MCC: variants seen among roughly 807,000 people sequenced by gnomAD.
MCC encodes colorectal mutant cancer protein.
MCC carries 90 observed loss-of-function variants against 116.2 expected under a neutral mutation model. That is an observed-to-expected ratio of 0.77 (90% CI 0.65 to 0.92). The LOEUF is 0.92. Ranked by LOEUF, MCC falls within the 40% of genes least tolerant of loss-of-function variation. The probability of loss-of-function intolerance (pLI) is 0.00; values close to 1 mark genes in which losing one functional copy is unlikely to be tolerated. For missense variants in MCC, 1,516 were observed against 1,312.2 expected, an observed-to-expected ratio of 1.16 and a Z score of -2.40; for synonymous variants, 578 against 510.5, an observed-to-expected ratio of 1.13 and a Z score of -1.78.
At chr5:113,140,432 C>A (rs1759109838) in intron 5 of MCC, among the ~76,000 whole-genome samples, 1 of 152,182 alleles carries the variant, frequency 6.6e-6, no homozygotes, top group African/African-American at 2.4e-5. Flanking sequence ...CCTTTTCCTA[C>A]CAATGCTTAA....
chr5:113,275,185 A>G (rs1160416612), intron 3 of MCC, among the ~76,000 whole-genome samples: 2 of 152,326 alleles, frequency 1.3e-5, no homozygotes, highest in Admixed American at 6.5e-5. Context: ...TGAAGCTACA[A>G]GCAGCCCCTC....
chr5:113,340,687 A>C lies in MCC; in HGVS notation c.459T>G (p.Gly153=), dbSNP rs1314055518. 6.2e-7 allele frequency: 1 copy of C among 1,613,942 alleles called. No homozygotes were observed. Among genetic ancestry groups the C allele is most frequent in the Non-Finnish European group, 8.5e-7 (1 of 1,180,012 alleles). Residue 153 remains glycine (G), a synonymous_variant, in exon 3 of 19, where the codon GGT becomes GGG. Transcript: ENST00000408903. The stretch of plus-strand genomic sequence containing the variant: ...CATCCGGGCTCTGGAGGTCCCTGGC[A>C]CCAGAGTCGTATTCCCAGCTCTCCC... The part of the protein sequence containing the change: ...AARESWEYDS[G]ARDLQSPDVQ...
intron 2 of MCC, among the ~76,000 whole-genome samples, chr5:113,369,740 T>C (rs1480192826): frequency 6.6e-6 from 1 of 152,218 alleles, no homozygotes; most frequent in Non-Finnish European, 1.5e-5. Context: ...CGCTGATCTA[T>C]GTCATACTAA....
chr5:113,463,570 T>A (rs936208893), intron 1 of MCC, among the ~76,000 whole-genome samples: 2 of 152,326 alleles, frequency 1.3e-5, no homozygotes, highest in East Asian at 3.9e-4. Flanking sequence ...GTGTACATGG[T>A]CACATTCACT....
At chr5:113,449,947 T>A (rs867750828) in intron 1 of MCC, among the ~76,000 whole-genome samples, 1 of 152,252 alleles carries the variant, frequency 6.6e-6, no homozygotes, top group Non-Finnish European at 1.5e-5. Flanking sequence ...TTTTCCATTT[T>A]AAAATGTTTA....
intron 3 of MCC, among the ~76,000 whole-genome samples, chr5:113,285,213 G>A (rs1428932784): frequency 6.6e-6 from 1 of 152,124 alleles, no homozygotes; most frequent in Non-Finnish European, 1.5e-5. Flanking sequence ...GGAAGCCAAA[G>A]GAGAGGCATC....
intron 1 of MCC, among the ~76,000 whole-genome samples, chr5:113,386,053 C>A (rs1383594066): frequency 6.6e-6 from 1 of 152,080 alleles, no homozygotes; most frequent in Non-Finnish European, 1.5e-5. Flanking sequence ...CGGTTTGATC[C>A]CTGACATACA....
At chr5:113,128,741 G>A (rs969736003) in intron 5 of MCC, among the ~76,000 whole-genome samples, 1 of 152,206 alleles carries the variant, frequency 6.6e-6, no homozygotes. Context: ...AAAACAGGGA[G>A]AGAGAAACAC....
At chr5:113,224,542 C>T (rs1157246148) in intron 3 of MCC, among the ~76,000 whole-genome samples, 3 of 152,222 alleles carry the variant, frequency 2.0e-5, no homozygotes. Flanking sequence ...GGCATAACCA[C>T]TGAATCTTTT....
rs182448982 is a variant in MCC, at chr5:113,098,047, G to T, written c.1398+3692C>A. ...TGCAGAAGAATTCTGTAAATCTGAA[G>T]AATTTCTAGAAAATCTCAGAAGGAA... On this transcript the variant is annotated intron_variant, in intron 8 of 18. Transcript: ENST00000408903. Among the ~76,000 whole-genome samples the T allele has an allele frequency of 3.1e-4, 47 of 152,316 alleles. No homozygotes were observed. The East Asian group carries it at 8.5e-3, about 27-fold the overall frequency.
chr5:113,055,145 G>A (rs1184170831), intron 14 of MCC, among the ~76,000 whole-genome samples: 1 of 152,220 alleles, frequency 6.6e-6, no homozygotes. Flanking sequence ...GTGAAGCTCA[G>A]AGACATCAAG....
chr5:113,253,677 G>T (rs1764887711), intron 3 of MCC, among the ~76,000 whole-genome samples: 2 of 151,976 alleles, frequency 1.3e-5, no homozygotes, highest in South Asian at 4.2e-4. Context: ...AAGAAAGCTG[G>T]GGAAAAAAGA....
At chr5:113,270,496 A>T (rs1189810996) in intron 3 of MCC, among the ~76,000 whole-genome samples, 1 of 151,560 alleles carries the variant, frequency 6.6e-6, no homozygotes, top group Non-Finnish European at 1.5e-5. Flanking sequence ...CACTCAGCCT[A>T]GTCCCCAAGG....
intron 3 of MCC, among the ~76,000 whole-genome samples, chr5:113,170,849 T>C (rs544836236): frequency 3.2e-4 from 48 of 152,212 alleles, no homozygotes; most frequent in African/African-American, 1.1e-3. Flanking sequence ...GGGCAAGACT[T>C]GAAATCTGAG....
At chr5:113,054,103 T>A (rs777060730) in intron 14 of MCC, 144 bp from the exon 15 acceptor site, 5 of 619,418 alleles carry the variant, frequency 8.1e-6, no homozygotes, top group African/African-American at 5.5e-5. Flanking sequence ...CTTCACAGCA[T>A]AGGAAAATGA....
At chr5:113,102,997 C>T (rs1310665548) in intron 7 of MCC, among the ~76,000 whole-genome samples, 1 of 152,108 alleles carries the variant, frequency 6.6e-6, no homozygotes, top group Non-Finnish European at 1.5e-5. Flanking sequence ...GCCTGTAATC[C>T]CAGCTACTTG....
intron 1 of MCC, among the ~76,000 whole-genome samples, chr5:113,449,372 A>T (rs994806115): frequency 8.5e-5 from 13 of 152,250 alleles, no homozygotes; most frequent in Admixed American, 7.2e-4. Context: ...GGGGAAAGGA[A>T]GAAAGAAAAA....
intron 3 of MCC, among the ~76,000 whole-genome samples, chr5:113,173,449 C>G (rs1366391446): frequency 6.6e-6 from 1 of 152,040 alleles, no homozygotes; most frequent in Non-Finnish European, 1.5e-5. Context: ...AATATCTCCC[C>G]CTTTGTTTTA....
chr5:113,384,885 G>T (rs1475522031), intron 2 of MCC, 83 bp downstream of exon 2: 2 of 1,513,560 alleles, frequency 1.3e-6, no homozygotes, highest in Admixed American at 3.6e-5. Flanking sequence ...GTGGCCTCAT[G>T]ATGGGGAGGC....
Sources: gnomAD v4.1 joint callset for allele counts (sites outside exome capture counted in the v4.1 genomes callset) on GRCh38, gnomAD v4.1.1 for gene constraint, MANE v1.5 for transcripts, NCBI Gene and HGNC (gene_info 2026-07-23, HGNC 2026-07-21) for gene names.